RHOQ: variants seen among roughly 807,000 people sequenced by gnomAD.
RHOQ encodes the protein ras homolog family member Q.
Under a neutral mutation model 25.8 loss-of-function variants are expected in RHOQ, and 7 were observed. The ratio of observed to expected loss-of-function variants is 0.27; its 90% confidence interval spans 0.15 to 0.51. The LOEUF (loss-of-function observed/expected upper bound fraction) is 0.51, where lower values mean the gene tolerates loss of function less well. RHOQ is among the 20% of genes least tolerant of loss of function. RHOQ has a pLI of 0.97. For synonymous variants in RHOQ, 97 were observed against 98.6 expected (o/e 0.98, Z 0.10); for missense variants, 165 against 260.6 (o/e 0.63, Z 2.53).
At chr2:46,557,483 A>G (rs1668442743) in intron 2 of RHOQ, among the ~76,000 whole-genome samples, 1 of 152,222 alleles carries the variant, frequency 6.6e-6, no homozygotes, top group African/African-American at 2.4e-5. Flanking sequence ...GTATGATTAA[A>G]ACTTTAAAGA....
At position 46,552,873 on chromosome 2, in the gene RHOQ, A is replaced by G. The variant is rs1215282005; in HGVS notation, c.201+9061A>G. ...TTGGGGGCACAGAGGAGGAAGGCTT[A>G]TCCTTCCAAGGAGGTGAAATGCTAG... On this transcript the variant is annotated intron_variant, in intron 2 of 4. Coordinates refer to ENST00000238738, the MANE Select transcript of RHOQ (RefSeq NM_012249.4). This position sits in a 1 kb window ranked among gnomAD's most constrained non-coding sequence, Gnocchi z 5.0. Among the ~76,000 whole-genome samples, 4 of 152,250 alleles carry G rather than the reference A, an allele frequency of 2.6e-5. No homozygotes were observed. The highest frequency in any genetic ancestry group is 9.6e-5 in the African/African-American group (4 of 41,472).
intron 2 of RHOQ, among the ~76,000 whole-genome samples, chr2:46,551,494 C>CT (rs962231701): frequency 4.0e-5 from 6 of 151,790 alleles, no homozygotes; most frequent in Non-Finnish European, 1.5e-5. Context: ...CCCAAAGCGT[C>CT]TTTTTATGGA....
chr2:46,546,195 T>C (rs1668038228), intron 2 of RHOQ, among the ~76,000 whole-genome samples: 1 of 150,784 alleles, frequency 6.6e-6, no homozygotes, highest in Non-Finnish European at 1.5e-5. Flanking sequence ...ACCTGGGGAG[T>C]GCAAAGGAAT....
intron 2 of RHOQ, 30 bp downstream of exon 2, chr2:46,543,842 C>G (rs777449365): frequency 1.9e-6 from 3 of 1,596,534 alleles, no homozygotes; most frequent in Non-Finnish European, 2.6e-6. Flanking sequence ...GCCGACGCCC[C>G]CCTCCTGTTC....
chr2:46,550,856 G>A (rs1281404897), intron 2 of RHOQ, among the ~76,000 whole-genome samples: 1 of 152,196 alleles, frequency 6.6e-6, no homozygotes, highest in Non-Finnish European at 1.5e-5. Flanking sequence ...TGCCTGGTGT[G>A]TGTTCCCACC....
intron 4 of RHOQ, chr2:46,580,713 A>G (rs1669331721): frequency 2.5e-6 from 1 of 393,852 alleles, no homozygotes; most frequent in Non-Finnish European, 4.6e-6. Flanking sequence ...GTAGATACCC[A>G]GTAAATATGT....
At chr2:46,559,812 C>T (rs1668516692) in intron 2 of RHOQ, among the ~76,000 whole-genome samples, 1 of 152,144 alleles carries the variant, frequency 6.6e-6, no homozygotes, top group African/African-American at 2.4e-5. Flanking sequence ...TTGGGCTAGT[C>T]ATATAAACCA....
At position 46,576,740 on chromosome 2, in the gene RHOQ, G is replaced by C. The variant is rs980949014; in HGVS notation, c.462+84G>C. 61 of 914,816 alleles carry C rather than the reference G, an allele frequency of 6.7e-5. No individual in the cohort carries two copies. Among genetic ancestry groups the C allele is most frequent in the Non-Finnish European group, 9.9e-5 (58 of 586,462 alleles). 56.7% of individuals were successfully genotyped at this position (914,816 alleles called of 1,614,324 possible). A position where few individuals can be genotyped will look rare whatever the true frequency, so the allele number is the denominator to read the frequency against. ...AAGCTAATTTTATTGTGTATTTACT[G>C]TGTGCCAGGTGGAGTGCTTTACATG... On this transcript the variant is annotated intron_variant, in intron 4 of 4. Transcript: ENST00000238738. The surrounding 1 kb of genome is among the most constrained non-coding windows in gnomAD (Gnocchi z 5.1).
rs1172575217 is a variant in RHOQ, at chr2:46,584,641, G to A, written c.*3558G>A. 6.6e-6 allele frequency among the ~76,000 whole-genome samples: 1 copy of A among 152,142 alleles called. No individual in the cohort carries two copies. The highest frequency in any genetic ancestry group is 2.4e-5 in the African/African-American group (1 of 41,454). On this transcript the variant is annotated 3_prime_UTR_variant, in exon 5 of 5. Coordinates refer to ENST00000238738, the MANE Select transcript of RHOQ (RefSeq NM_012249.4). ...ATTCATGTTATGTAAATCAAGAAGTGCATGCCATCAGCAAATTAAAATGTG... is the reference window on the plus strand; with the variant it reads ...ATTCATGTTATGTAAATCAAGAAGTACATGCCATCAGCAAATTAAAATGTG...
rs571024797 is a variant in RHOQ at position 46,576,683 on chromosome 2, C to T, written c.462+27C>T. 1.6e-4 allele frequency: 222 copies of T among 1,420,402 alleles called. 1 individual carries two copies. In the South Asian group the frequency reaches 2.4e-3, roughly 15 times the overall value. The allele number at this position is 1,420,402 out of a possible 1,614,324, so 88.0% of individuals were successfully genotyped here. A position where few individuals can be genotyped will look rare whatever the true frequency, so the allele number is the denominator to read the frequency against. ...TAATGGAACACTCACAGAATTTAAG[C>T]ATGAATGTAAAAGATGCTAAGATAA... On this transcript the variant is annotated intron_variant, in intron 4 of 4. Coordinates refer to ENST00000238738, the MANE Select transcript of RHOQ (RefSeq NM_012249.4). This position sits in a 1 kb window ranked among gnomAD's most constrained non-coding sequence, Gnocchi z 5.1.
intron 2 of RHOQ, among the ~76,000 whole-genome samples, chr2:46,544,355 G>C (rs1385486397): frequency 6.6e-6 from 1 of 152,182 alleles, no homozygotes; most frequent in Non-Finnish European, 1.5e-5. Flanking sequence ...AGGGAAAAAA[G>C]AAAAGAAACA....
chr2:46,543,737 C>A lies in RHOQ; in HGVS notation c.143-17C>A, dbSNP rs761953816. 8 of 1,611,830 alleles carry A rather than the reference C, an allele frequency of 5.0e-6. No individual in the cohort carries two copies. Among genetic ancestry groups the A allele is most frequent in the South Asian group, 1.1e-5 (1 of 90,594 alleles). On this transcript the variant is annotated splice_polypyrimidine_tract_variant and intron_variant, in intron 1 of 4. Transcript: ENST00000238738. ...CACTGTGAGCTTCTCTCCCCGCCCC[C>A]ACTTCTGTCCTTGCAGTCAGCGTCA...
intron 2 of RHOQ, among the ~76,000 whole-genome samples, chr2:46,561,555 C>T (rs1572744933): frequency 6.6e-6 from 1 of 152,130 alleles, no homozygotes; most frequent in African/African-American, 2.4e-5. Context: ...CTAAAGGGCA[C>T]GGTCTTCTGA....
intron 4 of RHOQ, among the ~76,000 whole-genome samples, chr2:46,578,572 A>G (rs1669224474): frequency 1.7e-5 from 1 of 58,540 alleles, no homozygotes; most frequent in Non-Finnish European, 2.8e-5. Context: ...TCTCTACCAA[A>G]AAAAAAAAAA....
At chr2:46,573,236 G>T (rs1247378692) in intron 2 of RHOQ, among the ~76,000 whole-genome samples, 4 of 152,034 alleles carry the variant, frequency 2.6e-5, no homozygotes, top group Non-Finnish European at 2.9e-5. Flanking sequence ...GATAATTTTT[G>T]TATTTTTAGT....
At chr2:46,544,204 C>G (rs1400467191) in intron 2 of RHOQ, among the ~76,000 whole-genome samples, 1 of 152,114 alleles carries the variant, frequency 6.6e-6, no homozygotes, top group Non-Finnish European at 1.5e-5. Flanking sequence ...GTCTGCCTGC[C>G]CAAGGAGCCT....
At chr2:46,571,672 T>G (rs1371228596) in intron 2 of RHOQ, among the ~76,000 whole-genome samples, 1 of 152,228 alleles carries the variant, frequency 6.6e-6, no homozygotes, top group Non-Finnish European at 1.5e-5. Flanking sequence ...TATGTTTATA[T>G]CTTGAATTCC....
chr2:46,558,918 T>C (rs1668484705), intron 2 of RHOQ, among the ~76,000 whole-genome samples: 1 of 152,178 alleles, frequency 6.6e-6, no homozygotes, highest in South Asian at 2.1e-4. Context: ...TGTCTGGATG[T>C]TCTTTTTTTC....
At chr2:46,573,357 G>A (rs1407888295) in intron 2 of RHOQ, among the ~76,000 whole-genome samples, 1 of 152,204 alleles carries the variant, frequency 6.6e-6, no homozygotes, top group African/African-American at 2.4e-5. Context: ...ATCATGCCCG[G>A]CCACTAACTG....
Sources: gnomAD v4.1 joint callset for allele counts (sites outside exome capture counted in the v4.1 genomes callset) on GRCh38, gnomAD v4.1.1 for gene constraint, Gnocchi (gnomAD v3.1) non-coding constraint, MANE v1.5 for transcripts, NCBI Gene and HGNC (gene_info 2026-07-23, HGNC 2026-07-21) for gene names.